The following NAALADL2 variants were observed in gnomAD, a reference collection of about 807,000 sequenced individuals.
The protein encoded by NAALADL2 is inactive N-acetylated-alpha-linked acidic dipeptidase-like protein 2.
A neutral mutation model predicts 87.2 loss-of-function variants in NAALADL2; 76 were observed. The observed-to-expected ratio is 0.87, with a 90% CI of 0.72 to 1.05. The LOEUF (loss-of-function observed/expected upper bound fraction) is 1.05, where lower values mean the gene tolerates loss of function less well. NAALADL2 is among the 50% of genes least tolerant of loss of function. NAALADL2 has a pLI of 0.00. For synonymous variants in NAALADL2, 354 were observed against 331.0 expected (o/e 1.07, Z -0.75); for missense variants, 1,089 against 945.8 (o/e 1.15, Z -1.99).
rs138783142 is a variant in NAALADL2, at chr3:175,135,747, G to A, written c.545+38456G>A. Among the ~76,000 whole-genome samples the A allele has an allele frequency of 8.3e-4, 127 of 152,266 alleles. 1 individual carries two copies. The highest frequency in any genetic ancestry group is 5.1e-3 in the Admixed American group (78 of 15,300). ...GAGGATAGATAAAACTAATGTCAGAGATAGCCAGGTGTCTTGATAAGAAAT... is the reference window on the plus strand; with the variant it reads ...GAGGATAGATAAAACTAATGTCAGAAATAGCCAGGTGTCTTGATAAGAAAT... On this transcript the variant is annotated intron_variant, in intron 2 of 13. Transcript: ENST00000454872.
chr3:175,278,131 T>A (rs1018286519), intron 4 of NAALADL2, among the ~76,000 whole-genome samples: 3 of 151,992 alleles, frequency 2.0e-5, no homozygotes, highest in Non-Finnish European at 4.4e-5. Context: ...GTCTCAATAA[T>A]AATAATAATA....
At chr3:175,038,438 C>T (rs993309648) in intron 1 of NAALADL2, among the ~76,000 whole-genome samples, 1 of 152,114 alleles carries the variant, frequency 6.6e-6, no homozygotes. Context: ...TTGCTCACCC[C>T]TGGAGCAGTA....
chr3:174,601,186 T>C (rs1395910299), intron 2 of NAALADL2, among the ~76,000 whole-genome samples: 1 of 152,136 alleles, frequency 6.6e-6, no homozygotes, highest in African/African-American at 2.4e-5. Flanking sequence ...ATATGGTAGC[T>C]CTATTTTTAG....
chr3:174,737,777 G>A (rs1733359182), intron 3 of NAALADL2: 1 of 152,126 alleles, frequency 6.6e-6, no homozygotes, highest in Non-Finnish European at 1.5e-5. Context: ...TTAGATTGTA[G>A]GACTTTCATT....
In NAALADL2 at chr3:175,497,914, A is replaced by T. The variant is rs187137282; in HGVS notation, c.1653+26156A>T. Among the ~76,000 whole-genome samples, 3 of 152,262 alleles carry T rather than the reference A, an allele frequency of 2.0e-5. No homozygotes were observed. The East Asian group carries it at 5.8e-4, about 29-fold the overall frequency. On this transcript the variant is annotated intron_variant, in intron 9 of 13. Coordinates refer to ENST00000454872, the MANE Select transcript of NAALADL2 (RefSeq NM_207015.3). ...GCAATATTGAAAATGCTTGAAAAGC[A>T]CTTGATATAGTGCCTCTCTCAGAAA...
At position 175,194,262 on chromosome 3, in the gene NAALADL2, T is replaced by C. The variant is rs182489077; in HGVS notation, c.546-39669T>C. Among the ~76,000 whole-genome samples the C allele has an allele frequency of 5.0e-3, 760 of 152,032 alleles. 12 individuals are homozygous for C. Among genetic ancestry groups the C allele is most frequent in the Middle Eastern group, 0.014 (4 of 294 alleles). ...TGAATGAAATTTTGCTTATGGCATC[T>C]GTTGCCATTTTTAGTAGGTGATTAG... On this transcript the variant is annotated intron_variant, in intron 2 of 13. Coordinates refer to ENST00000454872, the MANE Select transcript of NAALADL2 (RefSeq NM_207015.3).
intron 3 of NAALADL2, among the ~76,000 whole-genome samples, chr3:174,802,024 C>T (rs1405709811): frequency 6.6e-6 from 1 of 151,812 alleles, no homozygotes; most frequent in Non-Finnish European, 1.5e-5. Context: ...TTAAAAATAC[C>T]ACAATTGGCA....
At chr3:174,922,667 A>G (rs1233868372) in intron 1 of NAALADL2, among the ~76,000 whole-genome samples, 2 of 152,144 alleles carry the variant, frequency 1.3e-5, no homozygotes, top group East Asian at 1.9e-4. Context: ...TCTGTAAGGA[A>G]TTTGACACTT....
At chr3:174,444,761 G>A (rs1468867698) in intron 1 of NAALADL2, among the ~76,000 whole-genome samples, 2 of 152,174 alleles carry the variant, frequency 1.3e-5, no homozygotes, top group Non-Finnish European at 2.9e-5. Flanking sequence ...CCAGTGGTCA[G>A]TCTAATTATA....
chr3:175,574,953 C>T (rs1434061940), intron 9 of NAALADL2, among the ~76,000 whole-genome samples: 6 of 152,022 alleles, frequency 3.9e-5, no homozygotes, highest in South Asian at 2.1e-4. Context: ...TATTCTTCCA[C>T]GTTTCATAGT....
At chr3:175,600,525 C>CT (rs869212429) in intron 10 of NAALADL2, among the ~76,000 whole-genome samples, 896 of 60,996 alleles carry the variant, frequency 0.015, 302 homozygotes, top group African/African-American at 0.032. Flanking sequence ...GTGTCTTAGT[C>CT]TTTTTTTTTT....
chr3:174,966,566 G>T (rs137984369), intron 1 of NAALADL2, among the ~76,000 whole-genome samples: 8 of 152,232 alleles, frequency 5.3e-5, no homozygotes, highest in African/African-American at 1.9e-4. Flanking sequence ...TGATAGGGAG[G>T]TATCTAGAGT....
At chr3:175,416,025 G>C (rs1714576700) in intron 5 of NAALADL2, among the ~76,000 whole-genome samples, 1 of 151,014 alleles carries the variant, frequency 6.6e-6, no homozygotes, top group Non-Finnish European at 1.5e-5. Flanking sequence ...GAGAGGCTGA[G>C]ATGGGAGGAT....
intron 1 of NAALADL2, among the ~76,000 whole-genome samples, chr3:174,485,281 T>C (rs959781869): frequency 9.2e-5 from 14 of 152,126 alleles, no homozygotes; most frequent in African/African-American, 3.1e-4. Context: ...ATAGGTTCTA[T>C]GCAAATACTA....
At chr3:174,851,900 C>A (rs947914330) in intron 3 of NAALADL2, among the ~76,000 whole-genome samples, 2 of 152,010 alleles carry the variant, frequency 1.3e-5, no homozygotes, top group African/African-American at 2.4e-5. Context: ...GGATTCATCC[C>A]AGGGATGCAA....
intron 9 of NAALADL2, among the ~76,000 whole-genome samples, chr3:175,488,591 C>T (rs188889052): frequency 6.6e-6 from 1 of 152,176 alleles, no homozygotes; most frequent in African/African-American, 2.4e-5. Flanking sequence ...GTTTTCCCCC[C>T]TCACATGTTC....
chr3:175,445,311 G>A (rs950045534), intron 5 of NAALADL2, among the ~76,000 whole-genome samples: 1 of 151,778 alleles, frequency 6.6e-6, no homozygotes, highest in Non-Finnish European at 1.5e-5. Context: ...ATTTTTTGAA[G>A]TTATAGATGC....
In NAALADL2 at chr3:174,575,004, A is replaced by G. The variant is rs186494552; in HGVS notation, c.-115+24367A>G. On this transcript the variant is annotated intron_variant, in intron 2 of 3. Transcript: ENST00000434257. ...TTTATACAAGACTCTTTGTAGATAC[A>G]TATTTGTATTCCTTTGGAAAATAAA... Among the ~76,000 whole-genome samples, 346 of 152,226 alleles carry G rather than the reference A, an allele frequency of 2.3e-3. 5 individuals carry two copies. Among genetic ancestry groups the G allele is most frequent in the Non-Finnish European group, 5.2e-4 (35 of 67,954 alleles).
At chr3:174,742,350 A>G (rs553717730) in intron 3 of NAALADL2, among the ~76,000 whole-genome samples, 1 of 151,818 alleles carries the variant, frequency 6.6e-6, no homozygotes, top group South Asian at 2.1e-4. Context: ...TGGCAATAAA[A>G]GAATTCTTAG....
Sources: gnomAD v4.1 joint callset for allele counts (sites outside exome capture counted in the v4.1 genomes callset) on GRCh38, gnomAD v4.1.1 for gene constraint, MANE v1.5 for transcripts, NCBI Gene and HGNC (gene_info 2026-07-23, HGNC 2026-07-21) for gene names.